FXR1: variants seen among roughly 807,000 people sequenced by gnomAD.
FXR1 encodes RNA-binding protein FXR1.
Under a neutral mutation model 84.0 loss-of-function variants are expected in FXR1, and 15 were observed. The observed-to-expected ratio is 0.18, with a 90% CI of 0.12 to 0.27. FXR1 has a LOEUF of 0.27. FXR1 is among the 10% of genes least tolerant of loss of function. The probability of loss-of-function intolerance (pLI) is 1.00; values close to 1 mark genes in which losing one functional copy is unlikely to be tolerated. For synonymous variants in FXR1, 245 were observed against 250.7 expected, an observed-to-expected ratio of 0.98 and a Z score of 0.21; for missense variants, 480 against 774.4, an observed-to-expected ratio of 0.62 and a Z score of 4.51.
intron 1 of FXR1, chr3:180,914,635 G>T: frequency 3.1e-6 from 1 of 319,296 alleles, no homozygotes. Flanking sequence ...GTTTCTCACG[G>T]TATTTTTTTT....
At chr3:180,963,308 A>G (rs1329366125) in intron 13 of FXR1, among the ~76,000 whole-genome samples, 1 of 152,134 alleles carries the variant, frequency 6.6e-6, no homozygotes, top group South Asian at 2.1e-4. Context: ...TATGTAATGA[A>G]GCAAAGCATG....
At chr3:180,936,879 A>G (rs1357018785) in intron 3 of FXR1, among the ~76,000 whole-genome samples, 1 of 152,130 alleles carries the variant, frequency 6.6e-6, no homozygotes, top group Non-Finnish European at 1.5e-5. Context: ...TTTTGTAAGG[A>G]TACCTGTAAC....
At chr3:180,916,997 G>A (rs1004528394) in intron 1 of FXR1, among the ~76,000 whole-genome samples, 4 of 152,106 alleles carry the variant, frequency 2.6e-5, no homozygotes, top group African/African-American at 9.7e-5. Context: ...ACCACGCCCA[G>A]CTAATTTTTT....
At chr3:180,954,086 A>G (rs1322096466) in intron 9 of FXR1, 1 of 333,370 alleles carries the variant, frequency 3.0e-6, no homozygotes, top group African/African-American at 2.1e-5. Flanking sequence ...CAGGGTTTTT[A>G]TAAGTTTGTC....
chr3:180,926,428 T>C (rs1393529751), intron 1 of FXR1, among the ~76,000 whole-genome samples: 2 of 149,524 alleles, frequency 1.3e-5, no homozygotes, highest in Non-Finnish European at 3.0e-5. Context: ...CATTAAAAAG[T>C]TGGGTTAAGC....
At chr3:180,928,875 TCTA>T (rs1307192290) in intron 1 of FXR1, among the ~76,000 whole-genome samples, 7 of 152,152 alleles carry the variant, frequency 4.6e-5, no homozygotes, top group African/African-American at 1.7e-4. Flanking sequence ...AAGGATTCCT[TCTA>T]CTCCTTCCAT....
chr3:180,922,889 C>T lies in FXR1; in HGVS notation c.51+10153C>T, dbSNP rs192363868. 2.3e-3 allele frequency among the ~76,000 whole-genome samples: 353 copies of T among 152,296 alleles called. 3 individuals carry two copies. The highest frequency in any genetic ancestry group is 0.01 in the Middle Eastern group (3 of 294). ...TCGGCCTCCCAAAGTGCTGGGATTA[C>T]AGGTGTGAGCCACACTGTGCCCTGC... On this transcript the variant is annotated intron_variant, in intron 1 of 16. Coordinates refer to ENST00000357559, the MANE Select transcript of FXR1 (RefSeq NM_005087.4).
Position 180,951,410 on chromosome 3 carries a change from C to T in FXR1, c.743C>T (p.Pro248Leu), listed in dbSNP as rs1722219209. Reference sequence around the variant, plus strand: ...AACATCCAGCAAGCTAGGAAGGTTCCTGGAGTTACCGCCATTGAGCTAGAT... The same window carrying T: ...AACATCCAGCAAGCTAGGAAGGTTCTTGGAGTTACCGCCATTGAGCTAGAT... ...GSNIQQARKV[P>L]GVTAIELDED... The change falls in exon 8 of 17, where the codon CCT (proline) becomes CTT (leucine). Residue 248 changes from proline (P) to leucine (L), a missense_variant. Pro to Leu is a moderately conservative substitution (Grantham distance 98, BLOSUM62 -3). Around this residue, in one of 6 missense-constraint regions of FXR1, gnomAD observed 136 missense variants for 315.4 expected, o/e 0.43. Transcript: ENST00000357559. 1 of 1,613,028 alleles carries T rather than the reference C, an allele frequency of 6.2e-7. No homozygotes were observed. The highest frequency in any genetic ancestry group is 1.3e-5 in the African/African-American group (1 of 75,006).
intron 15 of FXR1, among the ~76,000 whole-genome samples, chr3:180,972,463 T>A (rs1415504121): frequency 6.6e-6 from 1 of 152,068 alleles, no homozygotes; most frequent in Non-Finnish European, 1.5e-5. Context: ...CAAAAAAAAA[T>A]GTTTTAGATG....
At chr3:180,956,514 G>T (rs1310099964) in intron 9 of FXR1, among the ~76,000 whole-genome samples, 1 of 152,156 alleles carries the variant, frequency 6.6e-6, no homozygotes, top group Non-Finnish European at 1.5e-5. Context: ...AAGGTTCTGG[G>T]GGAGGAATAT....
chr3:180,916,782 G>A (rs908782776), intron 1 of FXR1, among the ~76,000 whole-genome samples: 5 of 152,104 alleles, frequency 3.3e-5, no homozygotes, highest in Non-Finnish European at 5.9e-5. Flanking sequence ...CATGATGTTC[G>A]AAGGGAACCT....
chr3:180,915,563 C>T (rs1273282356), intron 1 of FXR1: 5 of 1,191,390 alleles, frequency 4.2e-6, no homozygotes, highest in South Asian at 1.3e-5. Flanking sequence ...TAGAAGTTGC[C>T]TTGAGATGAG....
chr3:180,928,991 G>A (rs1022872970), intron 1 of FXR1, among the ~76,000 whole-genome samples: 1 of 151,272 alleles, frequency 6.6e-6, no homozygotes, highest in African/African-American at 2.4e-5. Context: ...GCGCTTTCTC[G>A]GCTCACTGCA....
intron 10 of FXR1, among the ~76,000 whole-genome samples, chr3:180,960,276 C>T (rs78641413): frequency 1.3e-5 from 2 of 152,250 alleles, no homozygotes; most frequent in East Asian, 3.9e-4. Context: ...AATATTTATG[C>T]TCTGGAGGTG....
At chr3:180,971,022 G>GT (rs1713497999) in intron 15 of FXR1, 20 of 554,846 alleles carry the variant, frequency 3.6e-5, no homozygotes, top group South Asian at 3.0e-4. Flanking sequence ...AGGTTTTTTT[G>GT]TTTTTTTGTT....
rs560283365 is a variant in FXR1, at chr3:180,980,162, C to T, written c.*3870C>T. On this transcript the variant is annotated 3_prime_UTR_variant, in exon 17 of 17. Coordinates refer to ENST00000357559, the MANE Select transcript of FXR1 (RefSeq NM_005087.4). ...GTCACATGTCAGACCCTGAGCAACA[C>T]CTAACCAAATGCCCAAGTATTCTCA... The T allele has an allele frequency of 6.6e-6, 1 of 152,152 alleles. No homozygotes were observed. The highest frequency in any genetic ancestry group is 2.4e-5 in the African/African-American group (1 of 41,542). The allele number at this position is 152,152 out of a possible 1,614,324, so 9.4% of individuals were successfully genotyped here.
chr3:180,945,550 G>A (rs960227575), intron 3 of FXR1, among the ~76,000 whole-genome samples: 1 of 152,142 alleles, frequency 6.6e-6, no homozygotes, highest in Non-Finnish European at 1.5e-5. Context: ...CACCACAGGT[G>A]CACGCTACGA....
At chr3:180,966,286 A>G (rs1712819020) in intron 13 of FXR1, among the ~76,000 whole-genome samples, 1 of 152,190 alleles carries the variant, frequency 6.6e-6, no homozygotes, top group Non-Finnish European at 1.5e-5. Context: ...TACACATCCA[A>G]CTAATTACCT....
At chr3:180,961,153 A>G (rs1294925361) in intron 10 of FXR1, among the ~76,000 whole-genome samples, 1 of 152,014 alleles carries the variant, frequency 6.6e-6, no homozygotes, top group Non-Finnish European at 1.5e-5. Context: ...GAGTTGGGCA[A>G]CAGAGCAAGA....
Sources: gnomAD v4.1 joint callset for allele counts (sites outside exome capture counted in the v4.1 genomes callset) on GRCh38, gnomAD v4.1.1 for gene constraint, gnomAD v4.1.1 regional missense constraint, MANE v1.5 for transcripts, NCBI Gene and HGNC (gene_info 2026-07-23, HGNC 2026-07-21) for gene names.